Variants in STK32B observed in about 807,000 individuals in gnomAD.
STK32B encodes the protein serine/threonine-protein kinase 32B.
STK32B carries 43 observed loss-of-function variants against 52.6 expected under a neutral mutation model. The observed-to-expected ratio is 0.82, with a 90% confidence interval of 0.64 to 1.05. STK32B has a LOEUF of 1.05. Ranked by LOEUF, STK32B falls within the 50% of genes least tolerant of loss-of-function variation. The pLI is 0.00. For missense variants in STK32B, 621 were observed against 534.6 expected (o/e 1.16, Z -1.59); for synonymous variants, 238 against 204.3 (o/e 1.17, Z -1.41).
chr4:5,221,815 C>T (rs1723553892), intron 3 of STK32B, among the ~76,000 whole-genome samples: 1 of 144,406 alleles, frequency 6.9e-6, no homozygotes, highest in Non-Finnish European at 1.5e-5. Context: ...AAGATGATGC[C>T]ACTGCATTCC....
chr4:5,429,234 A>G (rs1027273327), intron 6 of STK32B, among the ~76,000 whole-genome samples: 1 of 130,306 alleles, frequency 7.7e-6, no homozygotes, highest in Non-Finnish European at 1.7e-5. Context: ...AATCTTTTAA[A>G]TCCAGTCTAA....
chr4:5,063,857 T>C (rs1353323945), intron 1 of STK32B, among the ~76,000 whole-genome samples: 2 of 152,184 alleles, frequency 1.3e-5, no homozygotes, highest in African/African-American at 4.8e-5. Context: ...TATTTGCCAA[T>C]TGATTGAGCA....
At chr4:5,309,183 A>G (rs898147660) in intron 3 of STK32B, among the ~76,000 whole-genome samples, 1 of 152,150 alleles carries the variant, frequency 6.6e-6, no homozygotes, top group African/African-American at 2.4e-5. Flanking sequence ...AAATTTAACC[A>G]AGGAGGTGAA....
At chr4:5,213,326 C>T (rs1723010507) in intron 3 of STK32B, among the ~76,000 whole-genome samples, 1 of 152,210 alleles carries the variant, frequency 6.6e-6, no homozygotes, top group Non-Finnish European at 1.5e-5. Flanking sequence ...TTGTCTCATA[C>T]AGTCTATTCT....
chr4:5,437,230 T>C (rs1714163109), intron 6 of STK32B, among the ~76,000 whole-genome samples: 1 of 152,264 alleles, frequency 6.6e-6, no homozygotes, highest in South Asian at 2.1e-4. Context: ...TTATTGTGTC[T>C]GCAAAACAAA....
At chr4:5,343,793 T>C (rs542463556) in intron 4 of STK32B, among the ~76,000 whole-genome samples, 1 of 152,232 alleles carries the variant, frequency 6.6e-6, no homozygotes, top group South Asian at 2.1e-4. Context: ...AACCTACAAA[T>C]ATTCTTTGAT....
intron 3 of STK32B, among the ~76,000 whole-genome samples, chr4:5,296,340 C>A (rs1729195883): frequency 6.6e-6 from 1 of 152,254 alleles, no homozygotes; most frequent in Non-Finnish European, 1.5e-5. Flanking sequence ...TCTCATTGAT[C>A]TGTCTAATAT....
intron 3 of STK32B, among the ~76,000 whole-genome samples, chr4:5,213,364 A>G (rs1577200450): frequency 1.3e-5 from 2 of 152,176 alleles, no homozygotes; most frequent in African/African-American, 4.8e-5. Context: ...TGAACTTCAA[A>G]CAAGCTTAAG....
At chr4:5,475,184 G>A (rs1718141225) in intron 11 of STK32B, among the ~76,000 whole-genome samples, 1 of 152,140 alleles carries the variant, frequency 6.6e-6, no homozygotes, top group Non-Finnish European at 1.5e-5. Flanking sequence ...CACTTTGGGA[G>A]GCTGAGGCTG....
intron 1 of STK32B, among the ~76,000 whole-genome samples, chr4:5,083,589 T>C (rs1389843281): frequency 1.3e-5 from 2 of 152,238 alleles, no homozygotes; most frequent in East Asian, 3.8e-4. Flanking sequence ...TTACTGCTAT[T>C]TTAAACTATT....
At chr4:5,298,400 C>G (rs1056111226) in intron 3 of STK32B, among the ~76,000 whole-genome samples, 1 of 152,178 alleles carries the variant, frequency 6.6e-6, no homozygotes, top group African/African-American at 2.4e-5. Flanking sequence ...CCCCTTCCCC[C>G]TGGTGCTCTG....
In STK32B at chr4:5,468,155, C is replaced by G. The variant is rs916105580; in HGVS notation, c.1106+85C>G. ...CTGGCAGAATCACAGTCCCTGCCCC[C>G]CAAACCGGCCTTGACGACAAAAGGG... On this transcript the variant is annotated intron_variant, in intron 11 of 11. Transcript: ENST00000282908. 4.3e-6 allele frequency: 6 copies of G among 1,410,920 alleles called. No individual in the cohort carries two copies. The Admixed American group carries it at 5.1e-5, about 12-fold the overall frequency. The allele number at this position is 1,410,920 out of a possible 1,614,324, so 87.4% of individuals were successfully genotyped here.
intron 3 of STK32B, among the ~76,000 whole-genome samples, chr4:5,190,436 G>GCCTCTACAA (rs1721092792): frequency 2.0e-5 from 3 of 152,052 alleles, no homozygotes; most frequent in Non-Finnish European, 4.4e-5. Context: ...GTAGAGGAGT[G>GCCTCTACAA]GGCCACGTGC....
chr4:5,350,935 G>A (rs777308253), intron 4 of STK32B, among the ~76,000 whole-genome samples: 9 of 151,958 alleles, frequency 5.9e-5, no homozygotes, highest in Non-Finnish European at 8.8e-5. Context: ...AAACATATAT[G>A]CACCCAATGG....
At chr4:5,335,660 G>A (rs1461936189) in intron 4 of STK32B, among the ~76,000 whole-genome samples, 1 of 152,060 alleles carries the variant, frequency 6.6e-6, no homozygotes, top group African/African-American at 2.4e-5. Context: ...ATGTGTCCCA[G>A]AGATTCTGGT....
intron 1 of STK32B, among the ~76,000 whole-genome samples, chr4:5,127,950 T>C (rs114016436): frequency 0.011 from 1,704 of 152,278 alleles, 33 homozygotes; most frequent in African/African-American, 0.039. Context: ...CCTGTTACCA[T>C]ATAAGATGTG....
chr4:5,440,464 G>GA lies in STK32B; in HGVS notation c.563-6208dup, dbSNP rs1382928265. Among the ~76,000 whole-genome samples the GA allele has an allele frequency of 1.3e-4, 20 of 152,270 alleles. No homozygotes were observed. The East Asian group carries it at 3.9e-3, about 29-fold the overall frequency. On this transcript the variant is annotated intron_variant, in intron 6 of 11. Coordinates refer to ENST00000282908, the MANE Select transcript of STK32B (RefSeq NM_018401.3). Reference sequence around the variant, plus strand: ...TTTGTACATTGATTTTGTATCCTGAGACTTTGCTGAAGTTGCTTATCAGCT... The same window carrying GA: ...TTTGTACATTGATTTTGTATCCTGAGAACTTTGCTGAAGTTGCTTATCAGCT...
chr4:5,059,002 T>C (rs374536462), intron 1 of STK32B, among the ~76,000 whole-genome samples: 3 of 146,116 alleles, frequency 2.1e-5, no homozygotes, highest in African/African-American at 7.4e-5. Flanking sequence ...CTGCCCACCT[T>C]GGCCTCCCAA....
intron 3 of STK32B, among the ~76,000 whole-genome samples, chr4:5,171,124 C>T (rs2108740346): frequency 6.6e-6 from 1 of 151,734 alleles, no homozygotes; most frequent in Non-Finnish European, 1.5e-5. Flanking sequence ...AGTGTCTGTT[C>T]ATATCCTTTG....
Sources: allele counts gnomAD v4.1 joint callset (sites outside exome capture counted in the v4.1 genomes callset), GRCh38; gene constraint gnomAD v4.1.1; transcripts MANE v1.5; gene names NCBI Gene and HGNC (gene_info 2026-07-23, HGNC 2026-07-21).